The following PGAP6 variants were observed in gnomAD, a reference collection of about 807,000 sequenced individuals.
PGAP6 encodes the protein post-GPI attachment to proteins factor 6.
PGAP6 carries 62 observed loss-of-function variants against 68.4 expected under a neutral mutation model. The ratio of observed to expected loss-of-function variants is 0.91; its 90% CI spans 0.74 to 1.12. The LOEUF (loss-of-function observed/expected upper bound fraction) is 1.12. Ranked by LOEUF, PGAP6 falls within the 50% of genes most tolerant of loss-of-function variation. PGAP6 has a pLI of 0.00. For missense variants in PGAP6, 1,188 were observed against 1,068.5 expected, an observed-to-expected ratio of 1.11 and a Z score of -1.56; for synonymous variants, 575 against 474.0, an observed-to-expected ratio of 1.21 and a Z score of -2.77.
chr16:372,570 C>T (rs1203810011), intron 12 of PGAP6, 41 bp downstream of exon 12: 6 of 1,487,040 alleles, frequency 4.0e-6, no homozygotes, highest in East Asian at 4.5e-5. Flanking sequence ...CTCTCTTCTC[C>T]GAGCACCTGG....
chr16:376,531 T>C lies in PGAP6; in HGVS notation c.904+13A>G. Reference sequence around the variant, plus strand: ...AGGGGCAGGGCCATCCCTCCAGCCCTTGTGCGGCCCACCTGTGAGGGCAGC... The same window carrying C: ...AGGGGCAGGGCCATCCCTCCAGCCCCTGTGCGGCCCACCTGTGAGGGCAGC... On this transcript the variant is annotated intron_variant, in intron 5 of 12. Transcript: ENST00000431232. 3 of 1,544,002 alleles carry C rather than the reference T, an allele frequency of 1.9e-6. No homozygotes were observed. Among genetic ancestry groups the C allele is most frequent in the African/African-American group, 1.4e-5 (1 of 73,246 alleles).
chr16:385,296 T>C (rs1264189110), upstream of PGAP6, among the ~76,000 whole-genome samples: 1 of 150,612 alleles, frequency 6.6e-6, no homozygotes, highest in African/African-American at 2.5e-5. Context: ...TAAATCATGC[T>C]ATAATATACT....
upstream of PGAP6, among the ~76,000 whole-genome samples, chr16:383,064 C>G (rs998718161): frequency 3.3e-5 from 5 of 152,056 alleles, no homozygotes; most frequent in African/African-American, 1.2e-4. Flanking sequence ...TGCAGTGAGC[C>G]GAGATCGCGC....
At chr16:379,995 A>G (rs912311340) in intron 1 of PGAP6, among the ~76,000 whole-genome samples, 1 of 152,060 alleles carries the variant, frequency 6.6e-6, no homozygotes, top group Non-Finnish European at 1.5e-5. Flanking sequence ...CTGAGTGAAG[A>G]CCCCAGACCC....
At position 377,700 on chromosome 16, in the gene PGAP6, G is replaced by A. The variant is rs758523272; in HGVS notation, c.270C>T (p.Gly90=). The A allele has an allele frequency of 6.2e-5, 98 of 1,592,616 alleles. No homozygotes were observed. The Middle Eastern group carries it at 1.2e-3, about 19-fold the overall frequency. Reference sequence around the variant, plus strand: ...TGATCTCCGCGTCGGTGCAGGCAGCGCCGCTCTCCCGGGAGACCTGCAGGA... The same window carrying A: ...TGATCTCCGCGTCGGTGCAGGCAGCACCGCTCTCCCGGGAGACCTGCAGGA... ...RWLLQVSRES[G]AACTDAEITV... The change falls in exon 2 of 13, where the codon GGC becomes GGT. Residue 90 remains glycine (G), a synonymous_variant. Transcript: ENST00000431232.
intron 11 of PGAP6, among the ~76,000 whole-genome samples, chr16:373,674 G>A (rs918030443): frequency 6.6e-6 from 1 of 152,234 alleles, no homozygotes; most frequent in African/African-American, 2.4e-5. Flanking sequence ...CGAGTGGCTG[G>A]GACCACAGGC....
At chr16:382,903 A>G (rs1412705581), upstream of PGAP6, among the ~76,000 whole-genome samples, 3 of 148,778 alleles carry the variant, frequency 2.0e-5, no homozygotes, top group Non-Finnish European at 2.9e-5. Flanking sequence ...CTCTAAATCA[A>G]TCACAGAAAC....
chr16:372,311 G>A (rs1191555886), intron 12 of PGAP6, 28 bp from the exon 13 acceptor site: 1 of 1,590,364 alleles, frequency 6.3e-7, no homozygotes, highest in African/African-American at 1.3e-5. Flanking sequence ...GCAGGTATCA[G>A]TGCAGGTGGG....
At chr16:379,436 C>G (rs1008978993) in intron 1 of PGAP6, among the ~76,000 whole-genome samples, 2 of 152,252 alleles carry the variant, frequency 1.3e-5, no homozygotes, top group Admixed American at 1.3e-4. Flanking sequence ...TCCAGGCTTT[C>G]CAGGTGTCTG....
At chr16:379,756 C>T (rs1208868799) in intron 1 of PGAP6, among the ~76,000 whole-genome samples, 2 of 152,222 alleles carry the variant, frequency 1.3e-5, no homozygotes, top group Non-Finnish European at 1.5e-5. Context: ...ACCCAGTCCC[C>T]GACTCCCAGG....
intron 3 of PGAP6, 37 bp from the exon 4 acceptor site, chr16:377,201 G>C (rs2054392771): frequency 6.2e-7 from 1 of 1,611,764 alleles, no homozygotes; most frequent in South Asian, 1.1e-5. Context: ...GGCGGTGTCA[G>C]AGAATGCAGG....
upstream of PGAP6, chr16:386,577 CAG>C (rs2054486011): frequency 1.5e-5 from 5 of 331,644 alleles, no homozygotes; most frequent in Non-Finnish European, 2.3e-5. Flanking sequence ...GCCCAGACAT[CAG>C]AGTTTCACAG....
At chr16:376,027 G>C in intron 6 of PGAP6, 109 bp downstream of exon 6, 2 of 1,156,658 alleles carry the variant, frequency 1.7e-6, no homozygotes, top group East Asian at 5.1e-5. Flanking sequence ...GTGCCTGCTG[G>C]TGTCACTGTG....
chr16:383,357 C>T (rs1478495148), upstream of PGAP6: 1 of 152,288 alleles, frequency 6.6e-6, no homozygotes, highest in Non-Finnish European at 1.5e-5. Context: ...GGGAACCCCC[C>T]CGACTTGTCC....
chr16:374,759 C>T lies in PGAP6; in HGVS notation c.1573G>A (p.Ala525Thr), dbSNP rs1678545060. The T allele has an allele frequency of 1.2e-6, 2 of 1,612,524 alleles. No individual in the cohort carries two copies. Among genetic ancestry groups the T allele is most frequent in the Middle Eastern group, 3.3e-4 (2 of 5,982 alleles). ...CGGGCGGGGCCCTGGCACTCACCTG[C>T]CTTGCAGCTGCAGCTGGCATACAGG... ...SYLYASCSCKAGWRGWSCTDN... is the reference protein window; with the variant it reads ...SYLYASCSCKTGWRGWSCTDN... The change falls in exon 9 of 13, where the codon GCA (alanine) becomes ACA (threonine). Residue 525 changes from alanine (A) to threonine (T), a missense_variant. By Grantham distance (58) the Ala-to-Thr change is moderately conservative. Transcript: ENST00000431232.
chr16:372,510 A>G, intron 12 of PGAP6, 101 bp downstream of exon 12: 3 of 1,053,044 alleles, frequency 2.8e-6, no homozygotes, highest in African/African-American at 1.6e-5. Flanking sequence ...AGATATGGGC[A>G]TTCACTGGTT....
chr16:371,943 T>C lies in PGAP6; in HGVS notation c.*44A>G, dbSNP rs2054336608. ...GGCGCCTCCCCCTCGATACAGCTCCTGGCTGAAGAGGTCATCAGAGCAGCA... is the reference window on the plus strand; with the variant it reads ...GGCGCCTCCCCCTCGATACAGCTCCCGGCTGAAGAGGTCATCAGAGCAGCA... On this transcript the variant is annotated 3_prime_UTR_variant, in exon 13 of 13. Coordinates refer to ENST00000431232, the MANE Select transcript of PGAP6 (RefSeq NM_021259.3). 1 of 1,585,270 alleles carries C rather than the reference T, an allele frequency of 6.3e-7. No homozygotes were observed. The highest frequency in any genetic ancestry group is 8.6e-7 in the Non-Finnish European group (1 of 1,164,066).
intron 1 of PGAP6, among the ~76,000 whole-genome samples, chr16:378,222 CCT>C (rs2054405343): frequency 1.1e-5 from 1 of 87,800 alleles, no homozygotes; most frequent in Non-Finnish European, 2.5e-5. Flanking sequence ...CCATCGCCAC[CCT>C]GACTGCCATC....
chr16:384,971 T>A (rs926239119), upstream of PGAP6, among the ~76,000 whole-genome samples: 1 of 151,936 alleles, frequency 6.6e-6, no homozygotes, highest in African/African-American at 2.4e-5. Flanking sequence ...AAGATCAGCC[T>A]GGCCAACATG....
Sources: allele counts gnomAD v4.1 joint callset (sites outside exome capture counted in the v4.1 genomes callset), GRCh38; gene constraint gnomAD v4.1.1; transcripts MANE v1.5; gene names NCBI Gene and HGNC (gene_info 2026-07-23, HGNC 2026-07-21).